Variants in SOHLH2 observed in about 807,000 individuals in gnomAD.
SOHLH2 encodes the protein spermatogenesis and oogenesis specific basic helix-loop-helix 2.
SOHLH2 carries 22 observed loss-of-function variants against 50.4 expected under a neutral mutation model. That is an observed-to-expected ratio of 0.44 (90% CI 0.31 to 0.62). The LOEUF (loss-of-function observed/expected upper bound fraction) is 0.62. Ranked by LOEUF, SOHLH2 falls within the 20% of genes least tolerant of loss-of-function variation. The pLI is 0.08. For synonymous variants in SOHLH2, 185 were observed against 187.3 expected (o/e 0.99, Z 0.10); for missense variants, 412 against 504.4 (o/e 0.82, Z 1.76).
intron 9 of SOHLH2, 50 bp from the exon 10 acceptor site, chr13:36,170,837 T>A: frequency 6.3e-7 from 1 of 1,581,536 alleles, no homozygotes; most frequent in South Asian, 1.2e-5. Context: ...AATTCTGTAA[T>A]TCAGAACGAC....
chr13:36,200,832 C>T (rs1050566463), intron 2 of SOHLH2, among the ~76,000 whole-genome samples: 3 of 151,756 alleles, frequency 2.0e-5, no homozygotes, highest in South Asian at 2.1e-4. Flanking sequence ...GGGTGGATCA[C>T]GAGGTCAGGA....
intron 2 of SOHLH2, 35 bp from the exon 3 acceptor site, chr13:36,193,902 A>C (rs1205095334): frequency 6.3e-7 from 1 of 1,576,372 alleles, no homozygotes; most frequent in East Asian, 2.3e-5. Flanking sequence ...AATGAAGCAA[A>C]ATCATTATTC....
intron 2 of SOHLH2, among the ~76,000 whole-genome samples, chr13:36,197,079 T>C (rs1323058352): frequency 6.6e-6 from 1 of 152,202 alleles, no homozygotes; most frequent in Non-Finnish European, 1.5e-5. Flanking sequence ...AAATCACTTT[T>C]ATCCACACCA....
At chr13:36,206,980 CT>C (rs1378642680) in intron 1 of SOHLH2, among the ~76,000 whole-genome samples, 9 of 151,488 alleles carry the variant, frequency 5.9e-5, no homozygotes, top group African/African-American at 2.2e-4. Flanking sequence ...AACATACCTC[CT>C]TGCCCTTTAA....
intron 2 of SOHLH2, among the ~76,000 whole-genome samples, chr13:36,200,075 T>C (rs1382661803): frequency 6.6e-6 from 1 of 152,184 alleles, no homozygotes; most frequent in Non-Finnish European, 1.5e-5. Context: ...TTTGTAAAAA[T>C]GAGCCATGTG....
rs541576839 is a variant in SOHLH2 at position 36,184,705 on chromosome 13, G to A, written c.641+5241C>T. On this transcript the variant is annotated intron_variant, in intron 6 of 10. Coordinates refer to ENST00000379881, the MANE Select transcript of SOHLH2 (RefSeq NM_017826.3). ...GATCTCCTGACCTCGTGATCCACCC[G>A]CCTTGGCCTCCCAAAGTGCTGGGAT... 3.1e-3 allele frequency among the ~76,000 whole-genome samples: 469 copies of A among 152,022 alleles called. 4 individuals carry two copies. The highest frequency in any genetic ancestry group is 0.011 in the African/African-American group (440 of 41,470).
chr13:36,203,135 C>A (rs961805817), intron 1 of SOHLH2, among the ~76,000 whole-genome samples: 2 of 152,182 alleles, frequency 1.3e-5, no homozygotes, highest in Non-Finnish European at 2.9e-5. Context: ...TCAATCCCTT[C>A]TCTGAAAGGA....
chr13:36,182,295 TA>T, intron 6 of SOHLH2: 1 of 985,262 alleles, frequency 1.0e-6, no homozygotes, highest in African/African-American at 1.7e-5. Flanking sequence ...AAATTTGGGT[TA>T]AAAAGATAAG....
Position 36,193,873 on chromosome 13 carries a change from A to G in SOHLH2, c.264-6T>C. The G allele has an allele frequency of 6.3e-7, 1 of 1,592,214 alleles. No homozygotes were observed. The highest frequency in any genetic ancestry group is 1.4e-5 in the African/African-American group (1 of 73,722). On this transcript the variant is annotated splice_region_variant and splice_polypyrimidine_tract_variant and intron_variant, in intron 2 of 10. Transcript: ENST00000379881. ...TATTTTTCTTTTTGCCAAATCTGAG[A>G]GAGGAAAGAAAATGTTAAAATGAAG...
chr13:36,192,340 C>A (rs1338186704), intron 4 of SOHLH2, among the ~76,000 whole-genome samples: 2 of 152,146 alleles, frequency 1.3e-5, no homozygotes, highest in African/African-American at 2.4e-5. Context: ...TGGAAGCAGA[C>A]ATGGTCATGA....
chr13:36,189,818 G>A lies in SOHLH2; in HGVS notation c.641+128C>T, dbSNP rs1320810795. 8 of 844,124 alleles carry A rather than the reference G, an allele frequency of 9.5e-6. No individual in the cohort carries two copies. In the South Asian group the frequency reaches 1.6e-4, roughly 17 times the overall value. 52.3% of individuals were successfully genotyped at this position (844,124 alleles called of 1,614,324 possible). On this transcript the variant is annotated intron_variant, in intron 6 of 10. Coordinates refer to ENST00000379881, the MANE Select transcript of SOHLH2 (RefSeq NM_017826.3). ...TGACTACAAGGCTGAATGAGTGAGT[G>A]GCATCTATTTGTTTGCTAAGTTTAC...
chr13:36,173,610 G>C, intron 9 of SOHLH2, 82 bp downstream of exon 9: 1 of 1,519,170 alleles, frequency 6.6e-7, no homozygotes, highest in Admixed American at 1.7e-5. Context: ...CCTGGTTATG[G>C]TGGTGAATGC....
intron 10 of SOHLH2, among the ~76,000 whole-genome samples, chr13:36,170,127 T>C (rs1886922145): frequency 6.6e-6 from 1 of 152,000 alleles, no homozygotes; most frequent in Non-Finnish European, 1.5e-5. Context: ...TTTTGATTAG[T>C]GTAAGTGATG....
At chr13:36,195,219 T>C in intron 2 of SOHLH2, among the ~76,000 whole-genome samples, 1 of 152,054 alleles carries the variant, frequency 6.6e-6, no homozygotes, top group East Asian at 1.9e-4. Context: ...TCAGCAGCCT[T>C]GGGGAAGGCT....
intron 2 of SOHLH2, among the ~76,000 whole-genome samples, 173 bp from the exon 3 acceptor site, chr13:36,194,040 G>A (rs1476126506): frequency 6.6e-6 from 1 of 150,768 alleles, no homozygotes; most frequent in Non-Finnish European, 1.5e-5. Context: ...AATCAGTGAG[G>A]AAAGAGATGA....
chr13:36,168,887 T>C lies in SOHLH2; in HGVS notation c.*147A>G. 2 of 1,336,888 alleles carry C rather than the reference T, an allele frequency of 1.5e-6. No homozygotes were observed. The highest frequency in any genetic ancestry group is 9.9e-7 in the Non-Finnish European group (1 of 1,011,758). 82.8% of individuals were successfully genotyped at this position (1,336,888 alleles called of 1,614,324 possible). On this transcript the variant is annotated 3_prime_UTR_variant, in exon 11 of 11. Coordinates refer to ENST00000379881, the MANE Select transcript of SOHLH2 (RefSeq NM_017826.3). ...TCTTTCTATCTGCAGAAGCTTTGAGTGCATTTATCAGAAGCCAAACCATGC... is the reference window on the plus strand; with the variant it reads ...TCTTTCTATCTGCAGAAGCTTTGAGCGCATTTATCAGAAGCCAAACCATGC...
At chr13:36,172,882 T>C (rs1204773299) in intron 9 of SOHLH2, among the ~76,000 whole-genome samples, 3 of 152,138 alleles carry the variant, frequency 2.0e-5, no homozygotes, top group African/African-American at 7.2e-5. Flanking sequence ...GCGTCTAACA[T>C]TTAGGTCAAG....
At chr13:36,201,048 CAAAAAAAAAAAAAAAA>C in intron 2 of SOHLH2, among the ~76,000 whole-genome samples, 1 of 55,970 alleles carries the variant, frequency 1.8e-5, no homozygotes, top group African/African-American at 7.5e-5. Flanking sequence ...GACTCTGCCT[CAAAAAAAAAAAAAAAA>C]AAAAAAAGAA....
At chr13:36,200,190 A>G (rs1887855336) in intron 2 of SOHLH2, among the ~76,000 whole-genome samples, 2 of 152,216 alleles carry the variant, frequency 1.3e-5, no homozygotes, top group Admixed American at 6.5e-5. Flanking sequence ...ATTTTAAAAT[A>G]TGATATAAAT....
Sources: gnomAD v4.1 joint callset for allele counts (sites outside exome capture counted in the v4.1 genomes callset) on GRCh38, gnomAD v4.1.1 for gene constraint, MANE v1.5 for transcripts, NCBI Gene and HGNC (gene_info 2026-07-23, HGNC 2026-07-21) for gene names.